The following FAM193B variants were observed in gnomAD, a reference collection of about 807,000 sequenced individuals.
FAM193B encodes the protein protein FAM193B.
Under a neutral mutation model 70.7 loss-of-function variants are expected in FAM193B, and 27 were observed. The ratio of observed to expected loss-of-function variants is 0.38; its 90% CI spans 0.28 to 0.53. The LOEUF is 0.53. Among genes scored for constraint, FAM193B ranks in the 20% least tolerant of loss-of-function variants. The probability of loss-of-function intolerance (pLI) is 0.81; values close to 1 mark genes in which losing one functional copy is unlikely to be tolerated. For missense variants in FAM193B, 1,022 were observed against 1,072.5 expected (o/e 0.95, Z 0.66); for synonymous variants, 448 against 436.0 (o/e 1.03, Z -0.34).
intron 3 of FAM193B, 84 bp from the exon 4 acceptor site, chr5:177,536,829 C>T: frequency 1.3e-6 from 2 of 1,491,132 alleles, no homozygotes; most frequent in African/African-American, 2.9e-5. Context: ...CCACAGCATC[C>T]TGCTTCTGTG....
At chr5:177,523,459 A>G (rs1233070120) in intron 7 of FAM193B, among the ~76,000 whole-genome samples, 1 of 152,026 alleles carries the variant, frequency 6.6e-6, no homozygotes, top group East Asian at 1.9e-4. Flanking sequence ...CCCCCTTGGC[A>G]TGAATACCTT....
intron 1 of FAM193B, among the ~76,000 whole-genome samples, chr5:177,540,322 A>G (rs893374719): frequency 5.9e-5 from 9 of 152,152 alleles, no homozygotes; most frequent in South Asian, 2.1e-4. Context: ...AAAAAAAAAA[A>G]AAAGAAAAAC....
At position 177,536,692 on chromosome 5, in the gene FAM193B, G is replaced by A. The variant is rs755471853; in HGVS notation, c.742C>T (p.Pro248Ser). 3 of 1,558,606 alleles carry A rather than the reference G, an allele frequency of 1.9e-6. No individual in the cohort carries two copies. Among genetic ancestry groups the A allele is most frequent in the Non-Finnish European group, 1.7e-6 (2 of 1,155,012 alleles). ...GGGTGGTGGCCGGTGGGGCTGTTAGGGGGAGCAGTGAGGTCTGAGTGCTGG... is the reference window on the plus strand; with the variant it reads ...GGGTGGTGGCCGGTGGGGCTGTTAGAGGGAGCAGTGAGGTCTGAGTGCTGG... Reference protein sequence around the residue: ...HHQHSDLTAPPNSPTGHHPQP... With the variant: ...HHQHSDLTAPSNSPTGHHPQP... The change falls in exon 4 of 9, where the codon CCT becomes TCT. Residue 248 changes from proline to serine, a missense_variant. By Grantham distance (74) the Pro-to-Ser change is moderately conservative. Coordinates refer to ENST00000514747, the MANE Select transcript of FAM193B (RefSeq NM_001190946.3).
intron 4 of FAM193B, among the ~76,000 whole-genome samples, chr5:177,535,740 A>C (rs1458108341): frequency 6.6e-6 from 1 of 152,216 alleles, no homozygotes; most frequent in Non-Finnish European, 1.5e-5. Flanking sequence ...AATGTTAAAA[A>C]ATTACTACTA....
intron 7 of FAM193B, 89 bp from the exon 8 acceptor site, chr5:177,522,160 A>G (rs533191455): frequency 1.9e-6 from 2 of 1,036,528 alleles, no homozygotes; most frequent in African/African-American, 1.6e-5. Flanking sequence ...CCCCATCACT[A>G]AGAGACCAGG....
At position 177,538,759 on chromosome 5, in the gene FAM193B, C is replaced by A; in HGVS notation, c.453+146G>T. 2 of 1,091,676 alleles carry A rather than the reference C, an allele frequency of 1.8e-6. No individual in the cohort carries two copies. The highest frequency in any genetic ancestry group is 2.6e-6 in the Non-Finnish European group (2 of 770,562). 67.6% of individuals were successfully genotyped at this position (1,091,676 alleles called of 1,614,324 possible). ...TCCCCCAAATCTGAACTTGAGCTGC[C>A]AATGCTGTGCCAGTGCAGCCCAGAA... On this transcript the variant is annotated intron_variant, in intron 2 of 8. Transcript: ENST00000514747. This position sits in a 1 kb window ranked among gnomAD's most constrained non-coding sequence, Gnocchi z 4.1.
At chr5:177,547,485 C>G (rs948166021) in intron 1 of FAM193B, among the ~76,000 whole-genome samples, 1 of 150,804 alleles carries the variant, frequency 6.6e-6, no homozygotes, top group Admixed American at 6.6e-5. Flanking sequence ...GGGGTTTCAC[C>G]GTGTTAGCCA....
At chr5:177,531,726 C>G (rs1375868713) in intron 5 of FAM193B, 4 of 620,512 alleles carry the variant, frequency 6.4e-6, no homozygotes, top group African/African-American at 1.9e-5. Flanking sequence ...CAGGGCAGAG[C>G]TGGGCAAACA....
intron 7 of FAM193B, chr5:177,523,197 A>G: frequency 2.7e-6 from 1 of 364,960 alleles, no homozygotes; most frequent in Admixed American, 3.2e-5. Flanking sequence ...ACGGGGTTTC[A>G]CCAACTTGGC....
chr5:177,531,878 G>T, intron 5 of FAM193B: 1 of 1,185,936 alleles, frequency 8.4e-7, no homozygotes, highest in Non-Finnish European at 1.1e-6. Context: ...GCTCAAAGGT[G>T]ACTAGCAATT....
At chr5:177,521,623 A>G (rs1386096171) in intron 8 of FAM193B, among the ~76,000 whole-genome samples, 1 of 152,240 alleles carries the variant, frequency 6.6e-6, no homozygotes, top group Non-Finnish European at 1.5e-5. Context: ...GGGCAGCCCC[A>G]TGGGTCTGAT....
chr5:177,550,767 CCT>C (rs1243703593), intron 1 of FAM193B, among the ~76,000 whole-genome samples: 3 of 152,200 alleles, frequency 2.0e-5, no homozygotes, highest in Admixed American at 6.5e-5. Context: ...GCTCCTGCCC[CCT>C]CTCTTAGGTG....
intron 7 of FAM193B, 56 bp downstream of exon 7, chr5:177,523,901 G>A (rs1762161394): frequency 2.5e-6 from 4 of 1,585,454 alleles, no homozygotes; most frequent in South Asian, 2.2e-5. Flanking sequence ...CAGGGCTTGA[G>A]TGTGGGCAGG....
chr5:177,523,116 C>T (rs1309014240), intron 7 of FAM193B: 1 of 228,664 alleles, frequency 4.4e-6, no homozygotes, highest in Non-Finnish European at 9.3e-6. Context: ...TCTCCTGCCT[C>T]AGCCTCCCGA....
intron 1 of FAM193B, among the ~76,000 whole-genome samples, chr5:177,545,947 G>C (rs1023292490): frequency 6.6e-6 from 1 of 152,156 alleles, no homozygotes; most frequent in African/African-American, 2.4e-5. Flanking sequence ...TGGCCCATTA[G>C]AGCACTCTAC....
chr5:177,526,153 C>A (rs1320041532), intron 5 of FAM193B, among the ~76,000 whole-genome samples: 1 of 152,224 alleles, frequency 6.6e-6, no homozygotes, highest in Non-Finnish European at 1.5e-5. Flanking sequence ...CAGAGGGTGA[C>A]CCTGCGTCCC....
At chr5:177,549,483 G>A (rs979627144) in intron 1 of FAM193B, among the ~76,000 whole-genome samples, 5 of 152,036 alleles carry the variant, frequency 3.3e-5, no homozygotes, top group African/African-American at 4.8e-5. Flanking sequence ...ATGAGCCACC[G>A]CGCCCAGCCT....
At chr5:177,520,779 A>G (rs932051475) in intron 8 of FAM193B, among the ~76,000 whole-genome samples, 2 of 152,192 alleles carry the variant, frequency 1.3e-5, no homozygotes, top group Non-Finnish European at 2.9e-5. Flanking sequence ...GCAGGAGGCC[A>G]CCTTGGATCT....
chr5:177,523,304 ATAC>A (rs1325089838), intron 7 of FAM193B: 1 of 296,834 alleles, frequency 3.4e-6, no homozygotes, highest in Non-Finnish European at 7.1e-6. Flanking sequence ...TTGGCCAAAA[ATAC>A]TAATTTTTAA....
Sources: gnomAD v4.1 joint callset for allele counts (sites outside exome capture counted in the v4.1 genomes callset) on GRCh38, gnomAD v4.1.1 for gene constraint, Gnocchi (gnomAD v3.1) non-coding constraint, MANE v1.5 for transcripts, NCBI Gene and HGNC (gene_info 2026-07-23, HGNC 2026-07-21) for gene names.